COL4A1: variants seen among roughly 807,000 people sequenced by gnomAD.
COL4A1 encodes collagen alpha-1(IV) chain.
A neutral mutation model predicts 216.6 loss-of-function variants in COL4A1; 40 were observed. The ratio of observed to expected loss-of-function variants is 0.18; its 90% CI spans 0.14 to 0.24. COL4A1 has a LOEUF of 0.24. Among genes scored for constraint, COL4A1 ranks in the 10% least tolerant of loss-of-function variants. The pLI, the probability that COL4A1 is intolerant of heterozygous loss-of-function variation, is 1.00. For missense variants in COL4A1, 1,628 were observed against 2,196.8 expected (o/e 0.74, Z 5.18); for synonymous variants, 839 against 810.7 (o/e 1.03, Z -0.59).
chr13:110,163,415 C>T (rs758563901), intron 47 of COL4A1, 48 bp downstream of exon 47: 4 of 1,562,054 alleles, frequency 2.6e-6, no homozygotes, highest in Non-Finnish European at 3.5e-6. Context: ...TCCTTCTATC[C>T]CAAAGATCCT....
chr13:110,204,497 C>T (rs1879396263), intron 17 of COL4A1, among the ~76,000 whole-genome samples: 1 of 152,274 alleles, frequency 6.6e-6, no homozygotes. Flanking sequence ...GCCCTCCCCG[C>T]AGCTTTCCAT....
In COL4A1 at chr13:110,201,791, G is replaced by A. The variant is rs185772008; in HGVS notation, c.1000-269C>T. 874 of 602,786 alleles carry A rather than the reference G, an allele frequency of 1.4e-3. 3 individuals carry two copies. The highest frequency in any genetic ancestry group is 6.2e-3 in the East Asian group (165 of 26,574). The allele number at this position is 602,786 out of a possible 1,614,324, so 37.3% of individuals were successfully genotyped here. The stretch of plus-strand genomic sequence containing the variant: ...AAGGTCAGGAGTTCGAGACCAGCCT[G>A]GTCAATATGGTGAAACCCCGACTCT... On this transcript the variant is annotated intron_variant, in intron 18 of 51. Transcript: ENST00000375820.
At chr13:110,194,467 C>T (rs578227949) in intron 22 of COL4A1, among the ~76,000 whole-genome samples, 5 of 151,988 alleles carry the variant, frequency 3.3e-5, no homozygotes, top group Admixed American at 2.0e-4. Flanking sequence ...TCTAGGATGG[C>T]GGAAGAGATA....
intron 20 of COL4A1, among the ~76,000 whole-genome samples, chr13:110,200,550 G>A (rs1229128023): frequency 6.6e-6 from 1 of 152,130 alleles, no homozygotes; most frequent in African/African-American, 2.4e-5. Flanking sequence ...TGGGAGCCGT[G>A]GGAAAAGAGG....
chr13:110,288,439 A>G (rs1469475456), intron 1 of COL4A1, among the ~76,000 whole-genome samples: 1 of 152,130 alleles, frequency 6.6e-6, no homozygotes, highest in African/African-American at 2.4e-5. Flanking sequence ...GATCAGCATA[A>G]TTTTGTCTCT....
chr13:110,261,035 T>TAAA lies in COL4A1; in HGVS notation c.85-18302_85-18301insTTT, dbSNP rs1303970828. Among the ~76,000 whole-genome samples, 149 of 42,156 alleles carry TAAA rather than the reference T, an allele frequency of 3.5e-3. 6 individuals are homozygous for TAAA. Among genetic ancestry groups the TAAA allele is most frequent in the African/African-American group, 0.012 (146 of 11,914 alleles). 27.7% of individuals were successfully genotyped at this position (42,156 alleles called of 152,430 possible). On this transcript the variant is annotated intron_variant, in intron 1 of 51. Coordinates refer to ENST00000375820, the MANE Select transcript of COL4A1 (RefSeq NM_001845.6). ...CTGGGTGACAGAGCGAGACTCCGTC[T>TAAA]CAAAAAAAAAAAAAAAAAAGGCCAA...
chr13:110,296,634 G>C (rs1279782809), intron 1 of COL4A1, among the ~76,000 whole-genome samples: 2 of 152,184 alleles, frequency 1.3e-5, no homozygotes, highest in African/African-American at 4.8e-5. Context: ...AGACCAGCTA[G>C]GCTTCCTTTA....
At chr13:110,159,061 A>C (rs1301095252) in intron 49 of COL4A1, among the ~76,000 whole-genome samples, 1 of 152,212 alleles carries the variant, frequency 6.6e-6, no homozygotes, top group Non-Finnish European at 1.5e-5. Context: ...ACTTTTAATT[A>C]GAAGGAAAGA....
intron 1 of COL4A1, among the ~76,000 whole-genome samples, chr13:110,273,180 T>A (rs368167927): frequency 6.6e-6 from 1 of 152,352 alleles, no homozygotes; most frequent in South Asian, 2.1e-4. Flanking sequence ...ATCACTCACA[T>A]GAATTCAGCA....
chr13:110,300,997 C>T (rs2139323196), intron 1 of COL4A1, among the ~76,000 whole-genome samples: 1 of 152,302 alleles, frequency 6.6e-6, no homozygotes, highest in Non-Finnish European at 1.5e-5. Context: ...AGATTAAAAA[C>T]CAAATCCAGC....
At chr13:110,301,382 G>A (rs1434446276) in intron 1 of COL4A1, among the ~76,000 whole-genome samples, 1 of 152,206 alleles carries the variant, frequency 6.6e-6, no homozygotes, top group Non-Finnish European at 1.5e-5. Flanking sequence ...GGCAAGTGTT[G>A]GAACCAAGAC....
At chr13:110,253,686 A>ACACGTATAATTATACGTATGTAT in intron 1 of COL4A1, among the ~76,000 whole-genome samples, 1 of 122,518 alleles carries the variant, frequency 8.2e-6, no homozygotes, top group Non-Finnish European at 1.8e-5. Context: ...TGTATTACAT[A>ACACGTATAATTATACGTATGTAT]TACATATAAT....
intron 1 of COL4A1, among the ~76,000 whole-genome samples, chr13:110,291,773 G>C (rs1239058753): frequency 6.6e-6 from 1 of 152,170 alleles, no homozygotes. Context: ...GGTTCCTAGA[G>C]GGATCATAAT....
At chr13:110,216,058 A>G (rs1880057912) in intron 2 of COL4A1, among the ~76,000 whole-genome samples, 1 of 152,198 alleles carries the variant, frequency 6.6e-6, no homozygotes, top group South Asian at 2.1e-4. Context: ...CAGTAAATGG[A>G]TTAAAGAACC....
At chr13:110,221,908 G>A (rs991076101) in intron 2 of COL4A1, among the ~76,000 whole-genome samples, 3 of 152,214 alleles carry the variant, frequency 2.0e-5, no homozygotes, top group African/African-American at 7.2e-5. Context: ...ACGTGTGCCT[G>A]CGCTCAGGCA....
intron 2 of COL4A1, among the ~76,000 whole-genome samples, chr13:110,218,062 T>A (rs1880177364): frequency 6.6e-6 from 1 of 152,094 alleles, no homozygotes; most frequent in African/African-American, 2.4e-5. Context: ...AAGTCAGAAA[T>A]TCAAATACAA....
At chr13:110,214,135 C>G in intron 2 of COL4A1, 120 bp from the exon 3 acceptor site, 1 of 831,138 alleles carries the variant, frequency 1.2e-6, no homozygotes, top group Non-Finnish European at 2.0e-6. Context: ...ATTCTGTTGC[C>G]CAGGCTGGAG....
At chr13:110,272,418 C>T (rs1883276689) in intron 1 of COL4A1, among the ~76,000 whole-genome samples, 1 of 152,204 alleles carries the variant, frequency 6.6e-6, no homozygotes, top group Non-Finnish European at 1.5e-5. Context: ...CGAAATTGCA[C>T]ACTTCTTTCT....
In COL4A1 at chr13:110,178,173, C is replaced by G; in HGVS notation, c.2517G>C (p.Pro839=). The change falls in exon 32 of 52, where the codon CCG becomes CCC. Residue 839 remains proline (P), a synonymous_variant. Coordinates refer to ENST00000375820, the MANE Select transcript of COL4A1 (RefSeq NM_001845.6). The part of the protein sequence containing the change: ...GFPGFPGLDM[P]GPKGDKGAQG... ...GAGCCCCTTTATCTCCTTTAGGGCC[C>G]GGCATGTCCAGTCCAGGGAATCCGG... 2 of 1,614,164 alleles carry G rather than the reference C, an allele frequency of 1.2e-6. No homozygotes were observed. The highest frequency in any genetic ancestry group is 1.7e-6 in the Non-Finnish European group (2 of 1,180,042).
Sources: gnomAD v4.1 joint callset for allele counts (sites outside exome capture counted in the v4.1 genomes callset) on GRCh38, gnomAD v4.1.1 for gene constraint, MANE v1.5 for transcripts, NCBI Gene and HGNC (gene_info 2026-07-23, HGNC 2026-07-21) for gene names.